Variants in THSD7B observed in about 807,000 individuals in gnomAD.
THSD7B encodes the protein thrombospondin type-1 domain-containing protein 7B.
In THSD7B, 138 loss-of-function variants were observed where a neutral mutation model predicts 213.6. The ratio of observed to expected loss-of-function variants is 0.65; its 90% CI spans 0.56 to 0.74. THSD7B has a LOEUF of 0.74. Ranked by LOEUF, THSD7B falls within the 30% of genes least tolerant of loss-of-function variation. The pLI, the probability that THSD7B is intolerant of heterozygous loss-of-function variation, is 0.00. For synonymous variants in THSD7B, 742 were observed against 687.0 expected (o/e 1.08, Z -1.25); for missense variants, 1,931 against 1,991.5 (o/e 0.97, Z 0.58).
intron 12 of THSD7B, among the ~76,000 whole-genome samples, chr2:137,299,250 A>G (rs1279153224): frequency 9.2e-5 from 14 of 151,900 alleles, no homozygotes. Context: ...GTTTTGGCCA[A>G]TTTCTCCCAT....
intron 6 of THSD7B, among the ~76,000 whole-genome samples, chr2:137,167,014 G>T (rs1036001226): frequency 6.6e-6 from 1 of 151,940 alleles, no homozygotes; most frequent in Non-Finnish European, 1.5e-5. Context: ...GCAGGATGGT[G>T]GTTGATTTCT....
intron 7 of THSD7B, among the ~76,000 whole-genome samples, chr2:137,212,596 T>C (rs1227397791): frequency 2.0e-5 from 3 of 152,090 alleles, no homozygotes; most frequent in Admixed American, 6.6e-5. Context: ...TATTGAGGGC[T>C]GAGATGGTAA....
chr2:137,546,074 G>A (rs1291932176), intron 15 of THSD7B, among the ~76,000 whole-genome samples: 1 of 150,510 alleles, frequency 6.6e-6, no homozygotes, highest in Non-Finnish European at 1.5e-5. Flanking sequence ...AGAAATGAGA[G>A]GATTTCTAAT....
chr2:137,042,528 C>G (rs1160743181), intron 2 of THSD7B, among the ~76,000 whole-genome samples: 1 of 152,048 alleles, frequency 6.6e-6, no homozygotes, highest in East Asian at 1.9e-4. Flanking sequence ...AAAATGAAAA[C>G]TTTTAGTTTT....
At chr2:137,374,652 C>G (rs1398338053) in intron 12 of THSD7B, among the ~76,000 whole-genome samples, 1 of 152,122 alleles carries the variant, frequency 6.6e-6, no homozygotes, top group Non-Finnish European at 1.5e-5. Context: ...GAAATAAAAA[C>G]AAAATAATTA....
chr2:136,855,989 AG>A (rs1303576524), intron 1 of THSD7B, among the ~76,000 whole-genome samples: 1 of 64,006 alleles, frequency 1.6e-5, no homozygotes, highest in Non-Finnish European at 3.1e-5. Context: ...TTCTCAAGGA[AG>A]TTTTTCCCTA....
intron 4 of THSD7B, among the ~76,000 whole-genome samples, chr2:137,097,242 C>G (rs568848258): frequency 6.6e-6 from 1 of 151,942 alleles, no homozygotes; most frequent in Non-Finnish European, 1.5e-5. Context: ...TTTTTAATAA[C>G]AATTACAGTT....
intron 2 of THSD7B, among the ~76,000 whole-genome samples, chr2:137,007,995 G>A (rs1245870456): frequency 1.3e-5 from 2 of 152,168 alleles, no homozygotes; most frequent in Non-Finnish European, 2.9e-5. Flanking sequence ...ATAGTTAGTT[G>A]AGGGGGTCAG....
chr2:136,969,442 G>A (rs559575143), intron 2 of THSD7B, among the ~76,000 whole-genome samples: 71 of 152,274 alleles, frequency 4.7e-4, no homozygotes, highest in African/African-American at 1.6e-3. Context: ...GCCTTGGAGG[G>A]AATATTTAAT....
chr2:137,461,775 C>G (rs1173005200), intron 15 of THSD7B, among the ~76,000 whole-genome samples: 1 of 152,082 alleles, frequency 6.6e-6, no homozygotes, highest in African/African-American at 2.4e-5. Flanking sequence ...GAGACATGCT[C>G]AAATAACCAT....
intron 4 of THSD7B, among the ~76,000 whole-genome samples, chr2:137,110,322 G>A (rs1688325479): frequency 6.6e-6 from 1 of 152,170 alleles, no homozygotes; most frequent in Non-Finnish European, 1.5e-5. Flanking sequence ...GGATGAGTAA[G>A]TGATTCACTT....
At chr2:137,034,004 T>G (rs1686725830) in intron 2 of THSD7B, among the ~76,000 whole-genome samples, 1 of 147,116 alleles carries the variant, frequency 6.8e-6, no homozygotes, top group South Asian at 2.2e-4. Flanking sequence ...CATGTCCAAG[T>G]GTTCTCATTG....
At chr2:137,285,697 T>C (rs1164207730) in intron 12 of THSD7B, among the ~76,000 whole-genome samples, 1 of 152,070 alleles carries the variant, frequency 6.6e-6, no homozygotes, top group Admixed American at 6.6e-5. Context: ...GAAAATTCAC[T>C]GGAAACATAT....
At chr2:136,779,872 T>G (rs1055533253) in intron 1 of THSD7B, among the ~76,000 whole-genome samples, 1 of 151,946 alleles carries the variant, frequency 6.6e-6, no homozygotes, top group African/African-American at 2.4e-5. Context: ...TATGGAGGAG[T>G]TGAGGTCCAG....
chr2:136,956,252 T>C (rs1323233841), intron 2 of THSD7B, among the ~76,000 whole-genome samples: 1 of 152,164 alleles, frequency 6.6e-6, no homozygotes, highest in Non-Finnish European at 1.5e-5. Flanking sequence ...TTTTTAACTA[T>C]GTGTCAGCAA....
chr2:137,432,115 A>G (rs989685426), intron 14 of THSD7B, among the ~76,000 whole-genome samples: 4 of 152,152 alleles, frequency 2.6e-5, no homozygotes, highest in Non-Finnish European at 5.9e-5. Flanking sequence ...GTCAGCGGCC[A>G]GGCGCGGTGG....
intron 7 of THSD7B, among the ~76,000 whole-genome samples, chr2:137,195,265 C>CAT (rs1680736527): frequency 1.3e-5 from 2 of 151,618 alleles, no homozygotes; most frequent in African/African-American, 2.4e-5. Context: ...CACACACACA[C>CAT]GTGTTTCTAT....
chr2:137,507,314 T>C (rs1481211557), intron 15 of THSD7B, among the ~76,000 whole-genome samples: 2 of 152,236 alleles, frequency 1.3e-5, no homozygotes, highest in Non-Finnish European at 2.9e-5. Flanking sequence ...TCCAGTCATG[T>C]ATTATAGTTC....
At chr2:137,534,024 A>G (rs111275917) in intron 15 of THSD7B, among the ~76,000 whole-genome samples, 21,312 of 138,608 alleles carry the variant, frequency 0.15, 1,536 homozygotes, top group South Asian at 0.23. Flanking sequence ...GCGCGCACAC[A>G]CACACACACA....
Sources: gnomAD v4.1 joint callset for allele counts (sites outside exome capture counted in the v4.1 genomes callset) on GRCh38, gnomAD v4.1.1 for gene constraint, MANE v1.5 for transcripts, NCBI Gene and HGNC (gene_info 2026-07-23, HGNC 2026-07-21) for gene names.